Variants in ERGIC1 observed in about 807,000 individuals in gnomAD.
ERGIC1 encodes the protein endoplasmic reticulum-golgi intermediate compartment 1, also known as endoplasmic reticulum-Golgi intermediate compartment protein 1.
ERGIC1 carries 19 observed loss-of-function variants against 38.3 expected under a neutral mutation model. That is an observed-to-expected ratio of 0.50 (90% CI 0.35 to 0.73). The LOEUF is 0.73. ERGIC1 is among the 30% of genes least tolerant of loss of function. ERGIC1 has a pLI of 0.01. For synonymous variants in ERGIC1, 124 were observed against 157.6 expected (o/e 0.79, Z 1.60); for missense variants, 294 against 389.2 (o/e 0.76, Z 2.06).
At chr5:172,930,031 A>G (rs1243304725) in intron 7 of ERGIC1, among the ~76,000 whole-genome samples, 1 of 152,062 alleles carries the variant, frequency 6.6e-6, no homozygotes, top group Non-Finnish European at 1.5e-5. Flanking sequence ...TACTAAAAAT[A>G]CAAAAAATTA....
chr5:172,834,523 C>A lies in ERGIC1; in HGVS notation c.20+90C>A. On this transcript the variant is annotated intron_variant, in intron 1 of 9. Coordinates refer to ENST00000393784, the MANE Select transcript of ERGIC1 (RefSeq NM_001031711.3). This position sits in a 1 kb window ranked among gnomAD's most constrained non-coding sequence, Gnocchi z 4.1. ...CCGCGGACCCCTCCCGCCCTGCATGCAAAAGCGGCTCCCCGCCCTGTGCAT... is the reference window on the plus strand; with the variant it reads ...CCGCGGACCCCTCCCGCCCTGCATGAAAAAGCGGCTCCCCGCCCTGTGCAT... 1 of 1,203,052 alleles carries A rather than the reference C, an allele frequency of 8.3e-7. No individual in the cohort carries two copies. The highest frequency in any genetic ancestry group is 1.0e-6 in the Non-Finnish European group (1 of 959,306). The allele number at this position is 1,203,052 out of a possible 1,614,324, so 74.5% of individuals were successfully genotyped here. A position where few individuals can be genotyped will look rare whatever the true frequency, so the allele number is the denominator to read the frequency against.
At chr5:172,852,762 A>T (rs1285200195) in intron 1 of ERGIC1, among the ~76,000 whole-genome samples, 1 of 152,254 alleles carries the variant, frequency 6.6e-6, no homozygotes, top group East Asian at 1.9e-4. Context: ...CCTGGGGGAC[A>T]GTAGAGTTTC....
intron 1 of ERGIC1, among the ~76,000 whole-genome samples, chr5:172,872,337 T>A (rs935778672): frequency 5.3e-5 from 8 of 152,236 alleles, no homozygotes; most frequent in African/African-American, 1.9e-4. Flanking sequence ...TTGAATGGTT[T>A]TGAGGATCAG....
At chr5:172,880,974 C>T (rs969460597) in intron 1 of ERGIC1, among the ~76,000 whole-genome samples, 3 of 152,180 alleles carry the variant, frequency 2.0e-5, no homozygotes, top group Admixed American at 6.5e-5. Flanking sequence ...TGTGGCTGGA[C>T]GCGGTGGCTC....
intron 1 of ERGIC1, among the ~76,000 whole-genome samples, chr5:172,847,337 A>G (rs1761303713): frequency 2.0e-5 from 3 of 152,172 alleles, no homozygotes; most frequent in Non-Finnish European, 4.4e-5. Context: ...GAGGTCAGCA[A>G]ATACAGTCTA....
intron 1 of ERGIC1, among the ~76,000 whole-genome samples, chr5:172,875,749 A>G (rs1266059913): frequency 6.6e-6 from 1 of 152,026 alleles, no homozygotes; most frequent in East Asian, 1.9e-4. Context: ...GAGCTACCAC[A>G]CCTGACTAAT....
At position 172,834,583 on chromosome 5, in the gene ERGIC1, C is replaced by G. The variant is rs1250358629; in HGVS notation, c.20+150C>G. ...GGCCCCTAGGGACCCCAGGCGAGCCCCCCCCCTGCCGCACACGAAGCCAGC... is the reference window on the plus strand; with the variant it reads ...GGCCCCTAGGGACCCCAGGCGAGCCGCCCCCCTGCCGCACACGAAGCCAGC... On this transcript the variant is annotated intron_variant, in intron 1 of 9. Transcript: ENST00000393784. The surrounding 1 kb of genome is among the most constrained non-coding windows in gnomAD (Gnocchi z 4.1). The G allele has an allele frequency of 4.2e-6, 3 of 709,952 alleles. No individual in the cohort carries two copies. Among genetic ancestry groups the G allele is most frequent in the Non-Finnish European group, 5.6e-6 (3 of 533,564 alleles). The allele number at this position is 709,952 out of a possible 1,614,324, so 44.0% of individuals were successfully genotyped here.
rs1432610809 is a variant in ERGIC1, at chr5:172,865,141, A to G, written c.21-23558A>G. On this transcript the variant is annotated intron_variant, in intron 1 of 9. Coordinates refer to ENST00000393784, the MANE Select transcript of ERGIC1 (RefSeq NM_001031711.3). ...ACGATCTCGGCTCACGGCACCCTCT[A>G]CTTTCTGGGTTCAAGCAATTCTCTT... 2.3e-5 allele frequency among the ~76,000 whole-genome samples: 3 copies of G among 131,760 alleles called. No individual in the cohort carries two copies. In the East Asian group the frequency reaches 6.6e-4, roughly 29 times the overall value. The allele number at this position is 131,760 out of a possible 152,430, so 86.4% of individuals were successfully genotyped here.
intron 1 of ERGIC1, among the ~76,000 whole-genome samples, chr5:172,873,450 G>T (rs927341286): frequency 6.6e-6 from 1 of 152,364 alleles, no homozygotes; most frequent in South Asian, 2.1e-4. Flanking sequence ...GCCTTGCCCA[G>T]CCAGGGCCTC....
At chr5:172,888,841 C>A in intron 2 of ERGIC1, 81 bp downstream of exon 2, 1 of 1,311,880 alleles carries the variant, frequency 7.6e-7, no homozygotes, top group Non-Finnish European at 1.1e-6. Flanking sequence ...TCATCTGGGC[C>A]AGGGAGGAAA....
At chr5:172,900,422 G>T (rs888777398) in intron 3 of ERGIC1, among the ~76,000 whole-genome samples, 1 of 152,052 alleles carries the variant, frequency 6.6e-6, no homozygotes, top group Non-Finnish European at 1.5e-5. Context: ...AGGGGAGGAA[G>T]GGGGCCAGGT....
chr5:172,924,182 C>T (rs887400610), intron 6 of ERGIC1, 73 bp downstream of exon 6: 2 of 1,379,640 alleles, frequency 1.4e-6, no homozygotes, highest in South Asian at 1.2e-5. Flanking sequence ...GTGCCCTCTG[C>T]CCTCTCTGGG....
intron 5 of ERGIC1, among the ~76,000 whole-genome samples, chr5:172,921,025 C>G (rs552375799): frequency 1.3e-5 from 2 of 152,224 alleles, no homozygotes; most frequent in Non-Finnish European, 2.9e-5. Flanking sequence ...TTCCCTCTTC[C>G]GGGAGGGCCC....
At chr5:172,938,758 A>AAG (rs201233359) in intron 9 of ERGIC1, among the ~76,000 whole-genome samples, 2,786 of 147,114 alleles carry the variant, frequency 0.019, 85 homozygotes, top group African/African-American at 0.066. Context: ...ATCTCAAAAA[A>AAG]AAAAAGAAAA....
intron 1 of ERGIC1, among the ~76,000 whole-genome samples, chr5:172,864,841 GTC>G (rs1761813264): frequency 6.6e-6 from 1 of 151,680 alleles, no homozygotes; most frequent in Non-Finnish European, 1.5e-5. Context: ...AGGCCACTGA[GTC>G]TCAGAGAGGG....
chr5:172,848,671 A>G (rs792964), intron 1 of ERGIC1, among the ~76,000 whole-genome samples: 147,466 of 152,254 alleles, frequency 0.97, 71,575 homozygotes, highest in Non-Finnish European at 1. Flanking sequence ...CTGAGCCAGC[A>G]TCTGCACACT....
intron 1 of ERGIC1, among the ~76,000 whole-genome samples, chr5:172,886,932 C>G (rs2113253382): frequency 6.6e-6 from 1 of 152,186 alleles, no homozygotes; most frequent in East Asian, 1.9e-4. Context: ...TTGCAGAGAC[C>G]CCCAACCTCC....
At chr5:172,912,138 A>G (rs1215900941) in intron 4 of ERGIC1, among the ~76,000 whole-genome samples, 12 of 151,566 alleles carry the variant, frequency 7.9e-5, no homozygotes, top group Admixed American at 3.3e-4. Context: ...TAATATGAGT[A>G]AAATAATAAC....
chr5:172,913,383 T>C (rs1262373134), intron 4 of ERGIC1, among the ~76,000 whole-genome samples: 2 of 152,224 alleles, frequency 1.3e-5, no homozygotes, highest in Non-Finnish European at 2.9e-5. Flanking sequence ...CTGCCAACAT[T>C]GGAACTGCTG....
Sources: gnomAD v4.1 joint callset for allele counts (sites outside exome capture counted in the v4.1 genomes callset) on GRCh38, gnomAD v4.1.1 for gene constraint, Gnocchi (gnomAD v3.1) non-coding constraint, MANE v1.5 for transcripts, NCBI Gene and HGNC (gene_info 2026-07-23, HGNC 2026-07-21) for gene names.